Variants in ATRN observed in about 807,000 individuals in gnomAD.
The protein encoded by ATRN is attractin-2.
In ATRN, 54 loss-of-function variants were observed where a neutral mutation model predicts 178.7. That is an observed-to-expected ratio of 0.30 (90% CI 0.24 to 0.38). ATRN has a LOEUF of 0.38. Ranked by LOEUF, ATRN falls within the 10% of genes least tolerant of loss-of-function variation. ATRN has a pLI of 1.00. For synonymous variants in ATRN, 636 were observed against 663.0 expected (o/e 0.96, Z 0.63); for missense variants, 1,443 against 1,815.1 (o/e 0.79, Z 3.73).
intron 12 of ATRN, among the ~76,000 whole-genome samples, chr20:3,573,439 G>T (rs1383306654): frequency 6.6e-6 from 1 of 152,192 alleles, no homozygotes; most frequent in African/African-American, 2.4e-5. Flanking sequence ...ATTGGATGCA[G>T]ATCTAACATT....
At chr20:3,578,409 C>A (rs1398107387) in intron 14 of ATRN, among the ~76,000 whole-genome samples, 173 bp from the exon 15 acceptor site, 2 of 152,150 alleles carry the variant, frequency 1.3e-5, no homozygotes, top group Non-Finnish European at 1.5e-5. Context: ...TTTTAAAATT[C>A]TTGTATTCTG....
At chr20:3,601,535 C>T (rs1227314307) in intron 23 of ATRN, among the ~76,000 whole-genome samples, 1 of 152,014 alleles carries the variant, frequency 6.6e-6, no homozygotes, top group Non-Finnish European at 1.5e-5. Context: ...TACTGTGATT[C>T]ACTGAAGATC....
chr20:3,504,359 T>C (rs752740389), intron 1 of ATRN, among the ~76,000 whole-genome samples: 1 of 151,082 alleles, frequency 6.6e-6, no homozygotes, highest in Non-Finnish European at 1.5e-5. Context: ...AATGGAAAAA[T>C]AGAAATATGG....
At chr20:3,589,594 T>C (rs1313865356) in intron 18 of ATRN, among the ~76,000 whole-genome samples, 2 of 152,226 alleles carry the variant, frequency 1.3e-5, no homozygotes, top group Non-Finnish European at 2.9e-5. Context: ...TATTCGGAGA[T>C]TGAGAGTTTT....
At chr20:3,594,821 C>G (rs1289815575) in intron 20 of ATRN, among the ~76,000 whole-genome samples, 3 of 152,196 alleles carry the variant, frequency 2.0e-5, no homozygotes, top group South Asian at 2.1e-4. Context: ...ATGATACTGA[C>G]ATTTCCTGGG....
chr20:3,503,885 C>T (rs1364665692), intron 1 of ATRN, among the ~76,000 whole-genome samples: 1 of 152,102 alleles, frequency 6.6e-6, no homozygotes, highest in East Asian at 1.9e-4. Context: ...ACAGGATAAA[C>T]CCAGTGAAAC....
At chr20:3,584,114 T>C (rs764882912) in intron 17 of ATRN, 31 bp downstream of exon 17, 3 of 1,606,158 alleles carry the variant, frequency 1.9e-6, no homozygotes, top group Non-Finnish European at 2.6e-6. Context: ...TAGGCACTTA[T>C]GCATGCCCTC....
intron 3 of ATRN, among the ~76,000 whole-genome samples, chr20:3,542,310 C>T (rs1191547872): frequency 6.6e-6 from 1 of 152,130 alleles, no homozygotes; most frequent in East Asian, 1.9e-4. Context: ...GTATGCCAGG[C>T]ACTTTGAATC....
At chr20:3,561,187 G>A (rs187018185) in intron 8 of ATRN, among the ~76,000 whole-genome samples, 66 of 152,244 alleles carry the variant, frequency 4.3e-4, no homozygotes, top group Admixed American at 3.1e-3. Flanking sequence ...GCCTGTCCTG[G>A]TGGCGGGCAC....
rs201824942 is a variant in ATRN at position 3,650,944 on chromosome 20, G to C, written c.*4097G>C. 6.6e-6 allele frequency: 1 copy of C among 152,570 alleles called. No homozygotes were observed. Among genetic ancestry groups the C allele is most frequent in the Non-Finnish European group, 1.5e-5 (1 of 68,024 alleles). 9.5% of individuals were successfully genotyped at this position (152,570 alleles called of 1,614,324 possible). A position where few individuals can be genotyped will look rare whatever the true frequency, so the allele number is the denominator to read the frequency against. On this transcript the variant is annotated 3_prime_UTR_variant, in exon 29 of 29. Transcript: ENST00000262919. Reference sequence around the variant, plus strand: ...TTGTGGGTGTTATACATACATTTAGGACTGCAATTTTTTGGTATTTTTTGT... The same window carrying C: ...TTGTGGGTGTTATACATACATTTAGCACTGCAATTTTTTGGTATTTTTTGT...
In ATRN at chr20:3,510,344, C is replaced by G. The variant is rs112552116; in HGVS notation, c.411-24909C>G. Among the ~76,000 whole-genome samples the G allele has an allele frequency of 4.5e-3, 691 of 152,304 alleles. 6 individuals are homozygous for G. The highest frequency in any genetic ancestry group is 0.016 in the African/African-American group (646 of 41,550). On this transcript the variant is annotated intron_variant, in intron 1 of 28. Transcript: ENST00000262919. ...TCTGTGTCATAGATCTCTGTCACAT[C>G]TAATCACCTCTGCTGTTGTAGAGAG...
intron 22 of ATRN, among the ~76,000 whole-genome samples, chr20:3,599,727 AG>A (rs1212675359): frequency 6.6e-6 from 1 of 152,176 alleles, no homozygotes; most frequent in African/African-American, 2.4e-5. Context: ...GGGCATGCTC[AG>A]GGGGTCCTGG....
At chr20:3,597,219 C>G (rs1308380866) in intron 21 of ATRN, among the ~76,000 whole-genome samples, 1 of 151,684 alleles carries the variant, frequency 6.6e-6, no homozygotes, top group South Asian at 2.1e-4. Flanking sequence ...AAAAAACCAT[C>G]CAAAACATAA....
rs1321650893 is a variant in ATRN at position 3,471,060 on chromosome 20, G to A, written c.-48G>A. ...GGCCAGGCGAAGCGGAGCCGGCCGT[G>A]CGGTGTGTGTGTATGTGTTCGCGGG... On this transcript the variant is annotated 5_prime_UTR_variant, in exon 1 of 29. Transcript: ENST00000262919. The A allele has an allele frequency of 6.1e-6, 9 of 1,469,756 alleles. No homozygotes were observed. The African/African-American group carries it at 7.3e-5, about 12-fold the overall frequency. 91.0% of individuals were successfully genotyped at this position (1,469,756 alleles called of 1,614,324 possible).
At chr20:3,620,379 TG>T (rs1337773540) in intron 24 of ATRN, among the ~76,000 whole-genome samples, 1 of 152,196 alleles carries the variant, frequency 6.6e-6, no homozygotes, top group Non-Finnish European at 1.5e-5. Flanking sequence ...CCCAAGTAGC[TG>T]GGATCACAGG....
chr20:3,490,093 T>C, intron 1 of ATRN: 6 of 1,367,924 alleles, frequency 4.4e-6, no homozygotes, highest in African/African-American at 1.4e-5. Flanking sequence ...TCTCGCTTGG[T>C]GCCCTTTGAT....
At chr20:3,481,395 C>T (rs968320252) in intron 1 of ATRN, among the ~76,000 whole-genome samples, 3 of 152,160 alleles carry the variant, frequency 2.0e-5, no homozygotes, top group Non-Finnish European at 4.4e-5. Context: ...TGCTGAAGTG[C>T]GGTGGTGCAA....
rs2086650325 is a variant in ATRN at position 3,604,269 on chromosome 20, A to G, written c.3801+7A>G. The G allele has an allele frequency of 6.3e-7, 1 of 1,590,966 alleles. No individual in the cohort carries two copies. The highest frequency in any genetic ancestry group is 1.4e-5 in the African/African-American group (1 of 73,494). On this transcript the variant is annotated splice_region_variant and intron_variant, in intron 24 of 28. Transcript: ENST00000262919. ...CTGGCCCATCAAAATTCAGGTAAGA[A>G]GAGGCTTTTGGTCTCATACCTGCAA...
intron 18 of ATRN, among the ~76,000 whole-genome samples, chr20:3,589,975 G>A (rs1203017685): frequency 6.6e-6 from 1 of 152,136 alleles, no homozygotes; most frequent in African/African-American, 2.4e-5. Context: ...TTGAGATGGA[G>A]TTTCACTCTT....
Sources: gnomAD v4.1 joint callset for allele counts (sites outside exome capture counted in the v4.1 genomes callset) on GRCh38, gnomAD v4.1.1 for gene constraint, MANE v1.5 for transcripts, NCBI Gene and HGNC (gene_info 2026-07-23, HGNC 2026-07-21) for gene names.